Variants in GRK4 observed in about 807,000 individuals in gnomAD.
GRK4 encodes the protein G protein-coupled receptor kinase 4.
A neutral mutation model predicts 77.9 loss-of-function variants in GRK4; 73 were observed. The observed-to-expected ratio is 0.94, with a 90% confidence interval of 0.78 to 1.14. The LOEUF (loss-of-function observed/expected upper bound fraction) is 1.14, where lower values mean the gene tolerates loss of function less well. Ranked by LOEUF, GRK4 falls within the 50% of genes most tolerant of loss-of-function variation. GRK4 has a pLI of 0.00. For missense variants in GRK4, 729 were observed against 700.2 expected, an observed-to-expected ratio of 1.04 and a Z score of -0.46; for synonymous variants, 257 against 254.4, an observed-to-expected ratio of 1.01 and a Z score of -0.10.
At chr4:3,034,512 C>T (rs866658248) in intron 12 of GRK4, among the ~76,000 whole-genome samples, 14 of 152,112 alleles carry the variant, frequency 9.2e-5, no homozygotes, top group Non-Finnish European at 1.8e-4. Context: ...GTCTAGGTCA[C>T]GTTTCAGGGG....
intron 1 of GRK4, among the ~76,000 whole-genome samples, chr4:2,981,677 A>C (rs1722910663): frequency 6.6e-6 from 1 of 152,240 alleles, no homozygotes; most frequent in Admixed American, 6.5e-5. Flanking sequence ...GGGCGGGCCC[A>C]GAAAAACCAC....
At chr4:3,000,681 C>T (rs6845680) in intron 4 of GRK4, among the ~76,000 whole-genome samples, 2,479 of 152,056 alleles carry the variant, frequency 0.016, 59 homozygotes, top group African/African-American at 0.057. Context: ...ACTTCTACCT[C>T]AGTCTCCCGA....
chr4:3,027,921 G>A lies in GRK4; in HGVS notation c.980G>A (p.Arg327Gln), dbSNP rs540093348. ...NILLDDRGHI[R>Q]ISDLGLATEI... The stretch of plus-strand genomic sequence containing the variant: ...ATATTTGAACACACAGGACACATCC[G>A]GATTTCAGACCTCGGTTTGGCCACA... Residue 327 changes from arginine to glutamine, a missense_variant, in exon 11 of 16, where the codon CGG becomes CAG. Arg to Gln is a conservative substitution (Grantham distance 43). Transcript: ENST00000398052. The A allele has an allele frequency of 2.4e-5, 39 of 1,613,838 alleles. No homozygotes were observed. The highest frequency in any genetic ancestry group is 3.1e-5 in the Non-Finnish European group (36 of 1,179,924).
chr4:2,988,895 T>A (rs1725261930), intron 3 of GRK4, 56 bp downstream of exon 3: 5 of 1,210,354 alleles, frequency 4.1e-6, no homozygotes, highest in Non-Finnish European at 6.1e-6. Flanking sequence ...TTTGAAAATG[T>A]AAAAACTTGG....
chr4:3,013,716 G>A lies in GRK4; in HGVS notation c.629G>A (p.Gly210Glu). 6.2e-7 allele frequency: 1 copy of A among 1,612,776 alleles called. No individual in the cohort carries two copies. Among genetic ancestry groups the A allele is most frequent in the Non-Finnish European group, 8.5e-7 (1 of 1,179,548 alleles). Reference protein sequence around the residue: ...EVCACQVRATGKMYACKKLQK... With the variant: ...EVCACQVRATEKMYACKKLQK... ...TGCGCCTGTCAAGTGCGAGCCACAG[G>A]AAAAATGTATGCCTGCAAAAAGCTA... is the stretch of plus-strand genomic sequence containing the variant. Residue 210 changes from glycine to glutamate, a missense_variant, in exon 8 of 16, where the codon GGA becomes GAA. Gly to Glu is a moderately conservative substitution (Grantham distance 98). Coordinates refer to ENST00000398052, the MANE Select transcript of GRK4 (RefSeq NM_182982.3).
chr4:3,036,831 C>T (rs747011299), intron 13 of GRK4, among the ~76,000 whole-genome samples: 16 of 152,130 alleles, frequency 1.1e-4, no homozygotes, highest in African/African-American at 2.7e-4. Context: ...AGGTTTTCTC[C>T]GGGTGCTTTG....
chr4:2,972,639 C>T (rs1008683732), intron 1 of GRK4, among the ~76,000 whole-genome samples: 1 of 152,134 alleles, frequency 6.6e-6, no homozygotes, highest in African/African-American at 2.4e-5. Flanking sequence ...CTTCATGCCC[C>T]ACCAGGTCTA....
intron 12 of GRK4, among the ~76,000 whole-genome samples, chr4:3,034,513 G>A (rs997151137): frequency 1.3e-5 from 2 of 152,190 alleles, no homozygotes; most frequent in African/African-American, 4.8e-5. Flanking sequence ...TCTAGGTCAC[G>A]TTTCAGGGGT....
In GRK4 at chr4:2,988,075, C is replaced by CAAAAAAAAAAAAAAAAAAAAAAAAA. The variant is rs67664476; in HGVS notation, c.149-628_149-627insAAAAAAAAAAAAAAAAAAAAAAAAA. Among the ~76,000 whole-genome samples, 154 of 33,628 alleles carry CAAAAAAAAAAAAAAAAAAAAAAAAA rather than the reference C, an allele frequency of 4.6e-3. 8 individuals are homozygous for CAAAAAAAAAAAAAAAAAAAAAAAAA. The highest frequency in any genetic ancestry group is 6.4e-3 in the Non-Finnish European group (110 of 17,286). The allele number at this position is 33,628 out of a possible 152,430, so 22.1% of individuals were successfully genotyped here. A position where few individuals can be genotyped will look rare whatever the true frequency, so the allele number is the denominator to read the frequency against. ...TGGATGACAGAGTGAGGCTCTGTCTCAAAAAAAAAAAAAAAAAAAAAAAAG... is the reference window on the plus strand; with the variant it reads ...TGGATGACAGAGTGAGGCTCTGTCTCAAAAAAAAAAAAAAAAAAAAAAAAAAAAAAAAAAAAAAAAAAAAAAAAAG... On this transcript the variant is annotated intron_variant, in intron 2 of 15. Transcript: ENST00000398052.
At chr4:3,018,920 C>T (rs1326339620) in intron 8 of GRK4, among the ~76,000 whole-genome samples, 1 of 152,022 alleles carries the variant, frequency 6.6e-6, no homozygotes, top group Non-Finnish European at 1.5e-5. Flanking sequence ...AGGGGGAGAC[C>T]ATGTTCCCAG....
At chr4:3,014,216 C>G (rs1243509774) in intron 8 of GRK4, among the ~76,000 whole-genome samples, 2 of 151,936 alleles carry the variant, frequency 1.3e-5, no homozygotes, top group African/African-American at 2.4e-5. Context: ...TCTGTTTGCT[C>G]TCAGCCTCCA....
intron 1 of GRK4, among the ~76,000 whole-genome samples, chr4:2,984,203 AT>A (rs1347307358): frequency 1.3e-5 from 2 of 152,110 alleles, no homozygotes; most frequent in Admixed American, 6.6e-5. Context: ...CTCAATAAAT[AT>A]TTCTTTGATA....
At chr4:3,015,243 G>A (rs1734092048) in intron 8 of GRK4, among the ~76,000 whole-genome samples, 1 of 152,176 alleles carries the variant, frequency 6.6e-6, no homozygotes, top group African/African-American at 2.4e-5. Flanking sequence ...ACTGGTTGAA[G>A]GGAGAGTGTG....
chr4:2,966,499 T>C (rs1717757925), intron 1 of GRK4: 1 of 152,192 alleles, frequency 6.6e-6, no homozygotes. Flanking sequence ...CCTGTCCCCA[T>C]TGAGTGAGAG....
chr4:3,014,620 C>T (rs925547346), intron 8 of GRK4, among the ~76,000 whole-genome samples: 13 of 151,614 alleles, frequency 8.6e-5, no homozygotes, highest in Non-Finnish European at 4.4e-5. Context: ...ATGGTGAAAT[C>T]CCGTCTCTAC....
At chr4:2,985,079 TA>T (rs1045714440) in intron 2 of GRK4, among the ~76,000 whole-genome samples, 11 of 152,194 alleles carry the variant, frequency 7.2e-5, no homozygotes, top group African/African-American at 2.7e-4. Context: ...AAGTATTGTT[TA>T]GTAGCCTTCC....
At chr4:2,986,427 G>A (rs935035479) in intron 2 of GRK4, among the ~76,000 whole-genome samples, 1 of 145,228 alleles carries the variant, frequency 6.9e-6, no homozygotes, top group Non-Finnish European at 1.5e-5. Context: ...CATGATCTCG[G>A]CTCACTGCAA....
chr4:3,035,401 C>T lies in GRK4; in HGVS notation c.1285C>T (p.Pro429Ser). The T allele has an allele frequency of 6.2e-7, 1 of 1,613,940 alleles. No individual in the cohort carries two copies. The highest frequency in any genetic ancestry group is 8.5e-7 in the Non-Finnish European group (1 of 1,179,978). ...CCTCTTGCAGTTACTCACCAAGAATCCAAGCAAGCGGCTGGGCTGCAGGGG... is the reference window on the plus strand; with the variant it reads ...CCTCTTGCAGTTACTCACCAAGAATTCAAGCAAGCGGCTGGGCTGCAGGGG... ...SICRMLLTKNPSKRLGCRGEG... is the reference protein window; with the variant it reads ...SICRMLLTKNSSKRLGCRGEG... Residue 429 changes from proline to serine, a missense_variant, in exon 13 of 16, where the codon CCA becomes TCA. By Grantham distance (74) the Pro-to-Ser change is moderately conservative (BLOSUM62 -1). Transcript: ENST00000398052.
intron 1 of GRK4, among the ~76,000 whole-genome samples, chr4:2,983,705 C>A (rs1723465840): frequency 6.6e-6 from 1 of 152,074 alleles, no homozygotes; most frequent in African/African-American, 2.4e-5. Flanking sequence ...TTATCATTAT[C>A]TGATTTGTGC....
Sources: allele counts gnomAD v4.1 joint callset (sites outside exome capture counted in the v4.1 genomes callset), GRCh38; gene constraint gnomAD v4.1.1; transcripts MANE v1.5; gene names NCBI Gene and HGNC (gene_info 2026-07-23, HGNC 2026-07-21).